ZEB1: variants seen among roughly 807,000 people sequenced by gnomAD.
The protein encoded by ZEB1 is zinc finger E-box-binding homeobox 1.
ZEB1 carries 21 observed loss-of-function variants against 84.9 expected under a neutral mutation model. The observed-to-expected ratio is 0.25, with a 90% CI of 0.18 to 0.36. The LOEUF (loss-of-function observed/expected upper bound fraction) is 0.36, where lower values mean the gene tolerates loss of function less well. ZEB1 is among the 10% of genes least tolerant of loss of function. The pLI, the probability that ZEB1 is intolerant of heterozygous loss-of-function variation, is 1.00. For synonymous variants in ZEB1, 420 were observed against 471.1 expected (o/e 0.89, Z 1.41); for missense variants, 1,104 against 1,330.2 (o/e 0.83, Z 2.65).
chr10:31,482,133 C>A (rs1274915754), intron 2 of ZEB1, among the ~76,000 whole-genome samples: 1 of 152,020 alleles, frequency 6.6e-6, no homozygotes, highest in Non-Finnish European at 1.5e-5. Context: ...TGATCAATTA[C>A]AGATGATAAT....
At chr10:31,420,296 C>T (rs2055936624) in intron 1 of ZEB1, among the ~76,000 whole-genome samples, 1 of 152,128 alleles carries the variant, frequency 6.6e-6, no homozygotes, top group Non-Finnish European at 1.5e-5. Flanking sequence ...AGTCCAGGCA[C>T]TGCTTAGCTG....
chr10:31,525,878 A>G (rs77500833), intron 8 of ZEB1, among the ~76,000 whole-genome samples: 1,919 of 152,340 alleles, frequency 0.013, 55 homozygotes, highest in African/African-American at 0.043. Flanking sequence ...GGCAAAGTTA[A>G]ATATTAGCAA....
intron 1 of ZEB1, among the ~76,000 whole-genome samples, chr10:31,398,642 A>G (rs1252923087): frequency 6.6e-6 from 1 of 152,046 alleles, no homozygotes; most frequent in African/African-American, 2.4e-5. Flanking sequence ...CAGTTCCTAT[A>G]ACCCCTGCCA....
chr10:31,527,119 TAGAAGAGGC>T lies in ZEB1; in HGVS notation c.3237_3245del (p.Glu1080_Glu1082del), dbSNP rs1403176175. On this transcript the variant is annotated inframe_deletion, in exon 9 of 9. Transcript: ENST00000424869. ...GAGGAAGAAGTGGAAGAAGAAGAGG[TAGAAGAGGC>T]AGAGAATGAGGGAGAAGAAGCAAAA... is the stretch of plus-strand genomic sequence containing the variant. The T allele has an allele frequency of 6.2e-7, 1 of 1,602,774 alleles. No individual in the cohort carries two copies. The highest frequency in any genetic ancestry group is 8.5e-7 in the Non-Finnish European group (1 of 1,174,434).
intron 1 of ZEB1, among the ~76,000 whole-genome samples, chr10:31,345,056 C>G (rs2040061588): frequency 6.6e-6 from 1 of 152,056 alleles, no homozygotes; most frequent in African/African-American, 2.4e-5. Flanking sequence ...AAGTTTTCTA[C>G]TGGAAGAATT....
At chr10:31,346,919 G>A (rs575125981) in intron 1 of ZEB1, among the ~76,000 whole-genome samples, 2 of 152,238 alleles carry the variant, frequency 1.3e-5, no homozygotes, top group South Asian at 2.1e-4. Flanking sequence ...TAAGTTTAAG[G>A]CCTGTAACTA....
intron 2 of ZEB1, among the ~76,000 whole-genome samples, chr10:31,469,174 G>C (rs193294270): frequency 6.6e-6 from 1 of 152,318 alleles, no homozygotes; most frequent in East Asian, 1.9e-4. Context: ...AAAGATTTCA[G>C]AGCTTGACGA....
intron 1 of ZEB1, among the ~76,000 whole-genome samples, chr10:31,360,350 A>G (rs2042811359): frequency 6.6e-6 from 1 of 152,234 alleles, no homozygotes; most frequent in Non-Finnish European, 1.5e-5. Flanking sequence ...ATGGGTTTGT[A>G]TATACTATCT....
chr10:31,323,098 T>C (rs2034548100), intron 1 of ZEB1, among the ~76,000 whole-genome samples: 1 of 152,182 alleles, frequency 6.6e-6, no homozygotes, highest in African/African-American at 2.4e-5. Flanking sequence ...GTTATTTAAG[T>C]CTCTAATTGA....
chr10:31,428,217 T>G (rs888192436), intron 1 of ZEB1, among the ~76,000 whole-genome samples: 2 of 152,230 alleles, frequency 1.3e-5, no homozygotes, highest in Non-Finnish European at 2.9e-5. Context: ...TAAATCTCCC[T>G]CTTAACACTG....
At chr10:31,413,483 A>C (rs1220056874) in intron 1 of ZEB1, among the ~76,000 whole-genome samples, 1 of 152,200 alleles carries the variant, frequency 6.6e-6, no homozygotes, top group Non-Finnish European at 1.5e-5. Flanking sequence ...GAGGGAGAGA[A>C]ACACTGGTAG....
chr10:31,374,388 G>T (rs1231969490), intron 1 of ZEB1, among the ~76,000 whole-genome samples: 1 of 151,780 alleles, frequency 6.6e-6, no homozygotes, highest in East Asian at 1.9e-4. Flanking sequence ...CTAAGTACTT[G>T]AGATGGCAAC....
At chr10:31,324,398 T>C (rs1392488143) in intron 1 of ZEB1, among the ~76,000 whole-genome samples, 2 of 152,062 alleles carry the variant, frequency 1.3e-5, no homozygotes, top group East Asian at 3.8e-4. Flanking sequence ...CTTTATCCTC[T>C]TGTGGATTTA....
At chr10:31,435,679 A>T (rs928776071) in intron 1 of ZEB1, among the ~76,000 whole-genome samples, 21 of 152,208 alleles carry the variant, frequency 1.4e-4, no homozygotes, top group Admixed American at 1.3e-4. Flanking sequence ...TACAAAGAAC[A>T]AAAACAGGTC....
At chr10:31,319,518 GTCTC>G in intron 1 of ZEB1, 2 of 563,326 alleles carry the variant, frequency 3.6e-6, no homozygotes, top group South Asian at 2.1e-5. Context: ...CTCTTACCTG[GTCTC>G]TCTCCGCCTA....
intron 5 of ZEB1, among the ~76,000 whole-genome samples, chr10:31,513,915 T>TTTA (rs2070572936): frequency 6.6e-6 from 1 of 152,046 alleles, no homozygotes; most frequent in South Asian, 2.1e-4. Context: ...CCTTCAGAAG[T>TTTA]TTATGAGGAG....
intron 1 of ZEB1, among the ~76,000 whole-genome samples, chr10:31,436,338 T>A (rs768445678): frequency 2.8e-4 from 42 of 152,252 alleles, no homozygotes; most frequent in Admixed American, 6.5e-4. Flanking sequence ...AAAGATTTGA[T>A]TAAGTACTTG....
intron 1 of ZEB1, among the ~76,000 whole-genome samples, chr10:31,381,190 A>G (rs1290233877): frequency 6.6e-6 from 1 of 152,204 alleles, no homozygotes; most frequent in Non-Finnish European, 1.5e-5. Context: ...CCTGAAGAAG[A>G]AATAAAACTA....
At chr10:31,442,046 T>C (rs1485076392) in intron 1 of ZEB1, among the ~76,000 whole-genome samples, 1 of 152,198 alleles carries the variant, frequency 6.6e-6, no homozygotes, top group Non-Finnish European at 1.5e-5. Context: ...GACCCAGCCA[T>C]CCCATTACTG....
Sources: allele counts gnomAD v4.1 joint callset (sites outside exome capture counted in the v4.1 genomes callset), GRCh38; gene constraint gnomAD v4.1.1; transcripts MANE v1.5; gene names NCBI Gene and HGNC (gene_info 2026-07-23, HGNC 2026-07-21).